CAMK1D: variants seen among roughly 807,000 people sequenced by gnomAD.
CAMK1D encodes calcium/calmodulin dependent protein kinase ID.
A neutral mutation model predicts 47.7 loss-of-function variants in CAMK1D; 9 were observed. The ratio of observed to expected loss-of-function variants is 0.19; its 90% CI spans 0.11 to 0.33. CAMK1D has a LOEUF of 0.33. Ranked by LOEUF, CAMK1D falls within the 10% of genes least tolerant of loss-of-function variation. The pLI is 1.00. For synonymous variants in CAMK1D, 184 were observed against 184.9 expected (o/e 0.99, Z 0.04); for missense variants, 291 against 488.7 (o/e 0.60, Z 3.81).
Position 12,825,593 on chromosome 10 carries a change from C to G in CAMK1D, c.942C>G (p.Ala314=). 3 of 1,607,218 alleles carry G rather than the reference C, an allele frequency of 1.9e-6. No homozygotes were observed. The highest frequency in any genetic ancestry group is 2.5e-6 in the Non-Finnish European group (3 of 1,178,128). ...SKWRQAFNAT[A]VVRHMRKLHL... is the part of the protein sequence containing the mutation. ...TTCAGCAAGCATTTAATGCCACGGC[C>G]GTCGTCAGACATATGAGAAAACTAC... Residue 314 remains alanine (A), a synonymous_variant, in exon 10 of 11, where the codon GCC becomes GCG. Transcript: ENST00000619168.
intron 2 of CAMK1D, among the ~76,000 whole-genome samples, chr10:12,639,133 C>T (rs1839595930): frequency 6.6e-6 from 1 of 152,250 alleles, no homozygotes; most frequent in Non-Finnish European, 1.5e-5. Context: ...CCTCCCGCCT[C>T]AGAAAGAGAA....
In CAMK1D at chr10:12,427,698, C is replaced by CTGTTTTTTGTTTTTTT. The variant is rs1187361102; in HGVS notation, c.92+77796_92+77797insGTTTTTTTTGTTTTTT. On this transcript the variant is annotated intron_variant, in intron 1 of 10. Transcript: ENST00000619168. ...TACTTTCCTGGCTTCACTGAACTTA[C>CTGTTTTTTGTTTTTTT]TGTTTTTTTTTTTTTTTTTTTTTTT... is the stretch of plus-strand genomic sequence containing the variant. Among the ~76,000 whole-genome samples, 4 of 27,366 alleles carry CTGTTTTTTGTTTTTTT rather than the reference C, an allele frequency of 1.5e-4. 1 individual carries two copies. The highest frequency in any genetic ancestry group is 4.0e-4 in the Admixed American group (1 of 2,504). The allele number at this position is 27,366 out of a possible 152,430, so 18.0% of individuals were successfully genotyped here. A position where few individuals can be genotyped will look rare whatever the true frequency, so the allele number is the denominator to read the frequency against.
intron 5 of CAMK1D, among the ~76,000 whole-genome samples, chr10:12,785,282 G>A (rs569067187): frequency 2.6e-5 from 4 of 152,310 alleles, no homozygotes; most frequent in African/African-American, 9.6e-5. Context: ...GTCTGGGCCA[G>A]GAGAATAGGC....
chr10:12,455,451 G>A (rs1233161752), intron 1 of CAMK1D, among the ~76,000 whole-genome samples: 1 of 152,208 alleles, frequency 6.6e-6, no homozygotes, highest in Non-Finnish European at 1.5e-5. Context: ...TGGGATTACA[G>A]GCATGAGCCA....
chr10:12,696,052 T>C lies in CAMK1D; in HGVS notation c.299+29242T>C, dbSNP rs117855509. 1.8e-3 allele frequency among the ~76,000 whole-genome samples: 279 copies of C among 152,212 alleles called. 5 individuals carry two copies. The East Asian group carries it at 0.025, about 13-fold the overall frequency. ...GAGATTGCGCCATTGCACTCCAGCC[T>C]GGGTCCAGCCTGGGCAACAAGAGTT... On this transcript the variant is annotated intron_variant, in intron 3 of 10. Transcript: ENST00000619168.
intron 3 of CAMK1D, among the ~76,000 whole-genome samples, chr10:12,751,066 GATAAGATAAGATAAGATAAGAT>G (rs1835931465): frequency 1.6e-4 from 1 of 6,440 alleles, no homozygotes; most frequent in African/African-American, 1.8e-3. Context: ...GATAAGATAA[GATAAGATAAGATAAGATAAGAT>G]AAGATAAGAT....
intron 1 of CAMK1D, among the ~76,000 whole-genome samples, chr10:12,421,387 A>G (rs1220928305): frequency 6.6e-6 from 1 of 151,818 alleles, no homozygotes; most frequent in Non-Finnish European, 1.5e-5. Flanking sequence ...TCAAACCCAG[A>G]TGTTCCCTAG....
At chr10:12,375,778 G>A (rs1246430413) in intron 1 of CAMK1D, among the ~76,000 whole-genome samples, 2 of 152,168 alleles carry the variant, frequency 1.3e-5, no homozygotes, top group African/African-American at 4.8e-5. Context: ...ATGGGAAGCA[G>A]TGTGTATTTG....
chr10:12,364,535 G>A (rs1188684269), intron 1 of CAMK1D, among the ~76,000 whole-genome samples: 2 of 151,958 alleles, frequency 1.3e-5, no homozygotes, highest in South Asian at 2.1e-4. Flanking sequence ...GAGCCACCAC[G>A]CATGGCCATC....
At chr10:12,576,381 A>T (rs1292375113) in intron 2 of CAMK1D, among the ~76,000 whole-genome samples, 2 of 152,164 alleles carry the variant, frequency 1.3e-5, no homozygotes, top group African/African-American at 4.8e-5. Flanking sequence ...CATGGATGAC[A>T]GTTTTTCCAC....
intron 1 of CAMK1D, among the ~76,000 whole-genome samples, chr10:12,412,455 CAA>C (rs1180559333): frequency 8.4e-6 from 1 of 118,660 alleles, no homozygotes; most frequent in Admixed American, 9.3e-5. Flanking sequence ...ACTAAAAATA[CAA>C]AAAAAAAAAA....
chr10:12,388,886 T>C (rs574493574), intron 1 of CAMK1D, among the ~76,000 whole-genome samples: 1 of 152,292 alleles, frequency 6.6e-6, no homozygotes, highest in South Asian at 2.1e-4. Flanking sequence ...CGTCGTGCTG[T>C]TCTAGAAAGC....
At chr10:12,617,473 C>A (rs979463856) in intron 2 of CAMK1D, among the ~76,000 whole-genome samples, 16 of 152,278 alleles carry the variant, frequency 1.1e-4, no homozygotes, top group African/African-American at 3.6e-4. Flanking sequence ...GGGGAACAAG[C>A]CACTTGTGTG....
intron 1 of CAMK1D, among the ~76,000 whole-genome samples, chr10:12,368,759 G>A (rs1322898125): frequency 2.1e-5 from 3 of 143,818 alleles, no homozygotes; most frequent in Non-Finnish European, 4.6e-5. Flanking sequence ...AAAAAAAAAA[G>A]AAAGAGTATA....
rs184730467 is a variant in CAMK1D, at chr10:12,778,637, A to G, written c.565+8838A>G. 7.5e-4 allele frequency among the ~76,000 whole-genome samples: 114 copies of G among 152,310 alleles called. 2 individuals carry two copies. The highest frequency in any genetic ancestry group is 2.7e-3 in the African/African-American group (111 of 41,574). ...CATGCCTATAATCCCAGCACCTTGGAAGGCCAGGGTGAGAGGATCACTGGA... is the reference window on the plus strand; with the variant it reads ...CATGCCTATAATCCCAGCACCTTGGGAGGCCAGGGTGAGAGGATCACTGGA... On this transcript the variant is annotated intron_variant, in intron 5 of 10. Transcript: ENST00000619168.
intron 1 of CAMK1D, among the ~76,000 whole-genome samples, chr10:12,391,875 C>G (rs1838745264): frequency 6.6e-6 from 1 of 152,060 alleles, no homozygotes; most frequent in Admixed American, 6.5e-5. Context: ...CTGTCATTAA[C>G]AGCTCATATA....
At chr10:12,532,333 G>A (rs2132223400) in intron 1 of CAMK1D, among the ~76,000 whole-genome samples, 1 of 150,604 alleles carries the variant, frequency 6.6e-6, no homozygotes, top group South Asian at 2.1e-4. Flanking sequence ...AGGCTGGAGT[G>A]CAGTGGCGGG....
intron 1 of CAMK1D, among the ~76,000 whole-genome samples, chr10:12,445,824 A>G (rs1264237588): frequency 6.6e-6 from 1 of 152,154 alleles, no homozygotes; most frequent in Non-Finnish European, 1.5e-5. Context: ...TTGCTGGCTG[A>G]AGTTAACTAT....
intron 1 of CAMK1D, among the ~76,000 whole-genome samples, chr10:12,495,682 A>T (rs1834517299): frequency 6.6e-6 from 1 of 152,238 alleles, no homozygotes; most frequent in Non-Finnish European, 1.5e-5. Context: ...CCAACAGGTT[A>T]CACTAATAGA....
Sources: gnomAD v4.1 joint callset for allele counts (sites outside exome capture counted in the v4.1 genomes callset) on GRCh38, gnomAD v4.1.1 for gene constraint, MANE v1.5 for transcripts, NCBI Gene and HGNC (gene_info 2026-07-23, HGNC 2026-07-21) for gene names.